The following ACSM2B variants were observed in gnomAD, a reference collection of about 807,000 sequenced individuals.
ACSM2B encodes acyl-CoA synthetase medium chain family member 2B.
A neutral mutation model predicts 78.6 loss-of-function variants in ACSM2B; 58 were observed. The ratio of observed to expected loss-of-function variants is 0.74; its 90% CI spans 0.60 to 0.92. The LOEUF is 0.92. ACSM2B is among the 40% of genes least tolerant of loss of function. The pLI is 0.00. For missense variants in ACSM2B, 688 were observed against 711.2 expected, an observed-to-expected ratio of 0.97 and a Z score of 0.37; for synonymous variants, 257 against 256.8, an observed-to-expected ratio of 1.00 and a Z score of -0.01.
chr16:20,570,199 T>A (rs576440542), intron 1 of ACSM2B, among the ~76,000 whole-genome samples: 1 of 152,092 alleles, frequency 6.6e-6, no homozygotes, highest in South Asian at 2.1e-4. Flanking sequence ...TGTGGGTTTG[T>A]CATAGATGGC....
At chr16:20,564,952 CT>C (rs1378648730) in intron 1 of ACSM2B, 99 bp from the exon 2 acceptor site, 1 of 1,477,114 alleles carries the variant, frequency 6.8e-7, no homozygotes, top group Non-Finnish European at 9.0e-7. Context: ...TTATAGGATT[CT>C]TCCCAGGAAT....
intron 1 of ACSM2B, among the ~76,000 whole-genome samples, chr16:20,567,927 A>T (rs926374933): frequency 2.8e-5 from 4 of 143,186 alleles, no homozygotes; most frequent in African/African-American, 1.0e-4. Context: ...ATATATAAAA[A>T]TATATAGAAA....
chr16:20,561,960 A>T (rs28633991), intron 2 of ACSM2B, among the ~76,000 whole-genome samples: 2 of 57,992 alleles, frequency 3.4e-5, no homozygotes, highest in Non-Finnish European at 7.2e-5. Context: ...GAGAACATGC[A>T]GTGTTTGGTT....
At chr16:20,566,960 T>G (rs1269267570) in intron 1 of ACSM2B, among the ~76,000 whole-genome samples, 1 of 110,826 alleles carries the variant, frequency 9.0e-6, no homozygotes, top group Non-Finnish European at 1.7e-5. Context: ...TCATATATAT[T>G]ATATATTATA....
At chr16:20,558,786 A>G (rs2015552110) in intron 3 of ACSM2B, among the ~76,000 whole-genome samples, 1 of 152,244 alleles carries the variant, frequency 6.6e-6, no homozygotes, top group South Asian at 2.1e-4. Context: ...TTGCCACTGC[A>G]GTGCAAATGC....
chr16:20,566,061 C>A (rs1045133102), intron 1 of ACSM2B, among the ~76,000 whole-genome samples: 1 of 146,804 alleles, frequency 6.8e-6, no homozygotes, highest in Non-Finnish European at 1.5e-5. Flanking sequence ...ATATATGATA[C>A]TATAAATAAT....
Position 20,564,699 on chromosome 16 carries a change from A to G in ACSM2B, c.147T>C (p.Asp49=). ...CCATGTCAGCCCAGTGATCCAACAC[A>G]TCACTAGCAAAGTTAAACTTGGCCG... is the stretch of plus-strand genomic sequence containing the variant. ...EVPAKFNFAS[D]VLDHWADMEK... The change falls in exon 2 of 14, where the codon GAT becomes GAC. Residue 49 remains aspartate, a synonymous_variant. Coordinates refer to ENST00000329697, the MANE Select transcript of ACSM2B (RefSeq NM_001105069.2). 1.2e-6 allele frequency: 2 copies of G among 1,613,706 alleles called. No homozygotes were observed. The highest frequency in any genetic ancestry group is 1.7e-6 in the Non-Finnish European group (2 of 1,179,776).
intron 8 of ACSM2B, chr16:20,547,754 C>A: frequency 1.9e-6 from 2 of 1,044,998 alleles, no homozygotes; most frequent in East Asian, 5.5e-5. Flanking sequence ...GATTTACCAA[C>A]TTCTCACCCC....
chr16:20,562,123 T>G (rs567060207), intron 2 of ACSM2B, among the ~76,000 whole-genome samples: 1 of 152,132 alleles, frequency 6.6e-6, no homozygotes, highest in African/African-American at 2.4e-5. Flanking sequence ...GATTTTAAGT[T>G]TTTTTTGGTG....
chr16:20,549,740 C>T (rs1296060041), intron 6 of ACSM2B: 1 of 447,952 alleles, frequency 2.2e-6, no homozygotes, highest in Non-Finnish European at 4.4e-6. Flanking sequence ...TTTAGGGAGA[C>T]ATAAGACATC....
Position 20,559,743 on chromosome 16 carries a change from T to A in ACSM2B, c.178-296A>T, listed in dbSNP as rs192493333. On this transcript the variant is annotated intron_variant, in intron 2 of 13. Transcript: ENST00000329697. The stretch of plus-strand genomic sequence containing the variant: ...ATAATTTTTTTATAATGATAAAGTG[T>A]ACTTTTCAAAATGAAAAAATAATGA... Among the ~76,000 whole-genome samples, 108 of 151,020 alleles carry A rather than the reference T, an allele frequency of 7.2e-4. 1 individual carries two copies. The highest frequency in any genetic ancestry group is 4.1e-3 in the Admixed American group (63 of 15,268).
intron 3 of ACSM2B, among the ~76,000 whole-genome samples, chr16:20,556,739 C>T (rs2015486248): frequency 6.6e-6 from 1 of 152,226 alleles, no homozygotes; most frequent in Admixed American, 6.5e-5. Flanking sequence ...CTTTGGGATT[C>T]TCACTGCACA....
chr16:20,540,849 T>C, intron 12 of ACSM2B, 76 bp from the exon 13 acceptor site: 1 of 1,565,462 alleles, frequency 6.4e-7, no homozygotes, highest in South Asian at 1.2e-5. Context: ...GAAATTAGCA[T>C]TAAGACTTGC....
Position 20,540,654 on chromosome 16 carries a change from C to G in ACSM2B, c.1629G>C (p.Lys543Asn), listed in dbSNP as rs200472857. Residue 543 changes from lysine (K) to asparagine (N), a missense_variant and splice_region_variant, in exon 13 of 14, where the codon AAG (lysine) becomes AAC (asparagine). Transcript: ENST00000329697. ...TGACTTGGGAGCTCAAAGGCCTTAC[C>G]TTTCTTGGGTACTTGTATGGGGCTG... is the stretch of plus-strand genomic sequence containing the variant. ...SVTAPYKYPRKIEFVLNLPKT... is the reference protein window; with the variant it reads ...SVTAPYKYPRNIEFVLNLPKT... 253 of 1,613,742 alleles carry G rather than the reference C, an allele frequency of 1.6e-4. 3 individuals carry two copies. The East Asian group carries it at 3.3e-3, about 21-fold the overall frequency.
intron 3 of ACSM2B, among the ~76,000 whole-genome samples, chr16:20,556,348 T>A (rs1371207004): frequency 6.6e-6 from 1 of 152,254 alleles, no homozygotes; most frequent in African/African-American, 2.4e-5. Context: ...ATGCCTGTAA[T>A]CCTGGCACTT....
chr16:20,563,592 T>TA (rs564553126), intron 2 of ACSM2B, among the ~76,000 whole-genome samples: 13 of 151,660 alleles, frequency 8.6e-5, no homozygotes, highest in Non-Finnish European at 1.9e-4. Context: ...AGTATAACTT[T>TA]AAAAAAATCC....
rs763604433 is a variant in ACSM2B, at chr16:20,553,937, T to C, written c.597-17A>G. On this transcript the variant is annotated splice_polypyrimidine_tract_variant and intron_variant, in intron 4 of 13. Transcript: ENST00000329697. ...GATGCCTCACTGACAAAGACACAGATTGTCATTTTCTCAGATCTAGCCTGG... is the reference window on the plus strand; with the variant it reads ...GATGCCTCACTGACAAAGACACAGACTGTCATTTTCTCAGATCTAGCCTGG... 8 of 1,613,130 alleles carry C rather than the reference T, an allele frequency of 5.0e-6. No individual in the cohort carries two copies. Among genetic ancestry groups the C allele is most frequent in the Admixed American group, 1.7e-5 (1 of 59,948 alleles).
Position 20,536,406 on chromosome 16 carries a change from A to G in ACSM2B, c.*852T>C, listed in dbSNP as rs949138165. ...GTCTGTAGATGCCACACACAGGTGAAACAATGTGGTATTTATAATGTGTCT... is the reference window on the plus strand; with the variant it reads ...GTCTGTAGATGCCACACACAGGTGAGACAATGTGGTATTTATAATGTGTCT... On this transcript the variant is annotated 3_prime_UTR_variant, in exon 14 of 14. Transcript: ENST00000329697. 1.3e-5 allele frequency: 2 copies of G among 152,132 alleles called. No individual in the cohort carries two copies. The highest frequency in any genetic ancestry group is 4.8e-5 in the African/African-American group (2 of 41,436). The allele number at this position is 152,132 out of a possible 1,614,324, so 9.4% of individuals were successfully genotyped here. A position where few individuals can be genotyped will look rare whatever the true frequency, so the allele number is the denominator to read the frequency against.
chr16:20,571,489 C>A (rs935821300), intron 1 of ACSM2B, among the ~76,000 whole-genome samples: 1 of 151,342 alleles, frequency 6.6e-6, no homozygotes, highest in African/African-American at 2.4e-5. Flanking sequence ...TGTGGCCTAT[C>A]ATATGGTCTA....
Sources: gnomAD v4.1 joint callset for allele counts (sites outside exome capture counted in the v4.1 genomes callset) on GRCh38, gnomAD v4.1.1 for gene constraint, MANE v1.5 for transcripts, NCBI Gene and HGNC (gene_info 2026-07-23, HGNC 2026-07-21) for gene names.